ITGAV: variants seen among roughly 807,000 people sequenced by gnomAD.
The protein encoded by ITGAV is integrin alpha-V.
In ITGAV, 76 loss-of-function variants were observed where a neutral mutation model predicts 143.8. The observed-to-expected ratio is 0.53, with a 90% confidence interval of 0.44 to 0.64. The LOEUF (loss-of-function observed/expected upper bound fraction) is 0.64. Ranked by LOEUF, ITGAV falls within the 30% of genes least tolerant of loss-of-function variation. ITGAV has a pLI of 0.00. For synonymous variants in ITGAV, 453 were observed against 446.7 expected (o/e 1.01, Z -0.18); for missense variants, 1,193 against 1,274.7 (o/e 0.94, Z 0.98).
At chr2:186,668,562 C>A in intron 24 of ITGAV, 200 bp from the exon 25 acceptor site, 1 of 503,296 alleles carries the variant, frequency 2.0e-6, no homozygotes, top group Admixed American at 3.8e-5. Context: ...TATCCTGACA[C>A]ATATTACTCT....
In ITGAV at chr2:186,590,528, G is replaced by A; in HGVS notation, c.185+5G>A. On this transcript the variant is annotated splice_donor_5th_base_variant and intron_variant, in intron 1 of 29. Transcript: ENST00000261023. ...CTTCGTGCCCAGCGCGTCTTCGTAA[G>A]TGGCCGCACTTGGAACTGGAGCCGG... is the stretch of plus-strand genomic sequence containing the variant. 3.7e-6 allele frequency: 6 copies of A among 1,610,122 alleles called. No individual in the cohort carries two copies. The highest frequency in any genetic ancestry group is 5.1e-6 in the Non-Finnish European group (6 of 1,178,638).
intron 29 of ITGAV, 21 bp downstream of exon 29, chr2:186,676,956 G>C: frequency 1.2e-6 from 2 of 1,603,446 alleles, no homozygotes; most frequent in Non-Finnish European, 8.5e-7. Context: ...GACTTAGAAA[G>C]AAGGAGAGAG....
intron 8 of ITGAV, among the ~76,000 whole-genome samples, 158 bp from the exon 9 acceptor site, chr2:186,638,119 T>C (rs13422838): frequency 0.094 from 14,351 of 152,264 alleles, 732 homozygotes; most frequent in South Asian, 0.12. Context: ...AGTTTAAAAA[T>C]GCTGGGCTAT....
chr2:186,605,312 C>G (rs1687028709), intron 2 of ITGAV, among the ~76,000 whole-genome samples: 2 of 152,170 alleles, frequency 1.3e-5, no homozygotes, highest in African/African-American at 4.8e-5. Flanking sequence ...AGGCACATTC[C>G]CACTTCACCC....
intron 18 of ITGAV, among the ~76,000 whole-genome samples, chr2:186,662,825 C>A (rs1205943078): frequency 6.6e-6 from 1 of 152,042 alleles, no homozygotes; most frequent in Non-Finnish European, 1.5e-5. Context: ...GCCTTAATTC[C>A]GGACATTCCT....
intron 10 of ITGAV, among the ~76,000 whole-genome samples, chr2:186,639,882 T>C (rs1033483809): frequency 3.3e-5 from 5 of 152,318 alleles, no homozygotes; most frequent in Non-Finnish European, 5.9e-5. Flanking sequence ...ATGAATATTA[T>C]TCTGTTACAT....
intron 10 of ITGAV, among the ~76,000 whole-genome samples, 196 bp from the exon 11 acceptor site, chr2:186,640,719 C>T (rs1688078097): frequency 6.6e-6 from 1 of 151,934 alleles, no homozygotes; most frequent in South Asian, 2.1e-4. Context: ...ATATTGTGTC[C>T]ATGATCTAGG....
chr2:186,601,556 T>C (rs1034436872), intron 1 of ITGAV, among the ~76,000 whole-genome samples: 4 of 152,068 alleles, frequency 2.6e-5, no homozygotes, highest in Non-Finnish European at 5.9e-5. Flanking sequence ...AATTATACTT[T>C]GGAATAATTT....
intron 1 of ITGAV, among the ~76,000 whole-genome samples, chr2:186,593,808 AAGGATCCGAAGAC>A (rs1184106567): frequency 6.6e-6 from 1 of 152,128 alleles, no homozygotes; most frequent in Non-Finnish European, 1.5e-5. Context: ...TAAGGAAGGG[AAGGATCCGAAGAC>A]AGGGTGTAAA....
chr2:186,625,858 TTTGA>T (rs1404984092), intron 4 of ITGAV, among the ~76,000 whole-genome samples: 1 of 152,158 alleles, frequency 6.6e-6, no homozygotes, highest in East Asian at 1.9e-4. Flanking sequence ...AATCTGTATT[TTTGA>T]TGACTAACAG....
chr2:186,674,031 T>C (rs558448296), intron 26 of ITGAV, among the ~76,000 whole-genome samples: 1 of 152,306 alleles, frequency 6.6e-6, no homozygotes, highest in South Asian at 2.1e-4. Context: ...TGGAGGACAG[T>C]AGCATAGTTA....
At chr2:186,595,707 G>A (rs1686732544) in intron 1 of ITGAV, among the ~76,000 whole-genome samples, 2 of 151,678 alleles carry the variant, frequency 1.3e-5, no homozygotes, top group South Asian at 4.2e-4. Context: ...AAATGTTGAG[G>A]ATGGGGATTC....
In ITGAV at chr2:186,627,327, C is replaced by T. The variant is rs572933994; in HGVS notation, c.523+1740C>T. ...AATGAGGATTTAAACCCAAGTTGTT[C>T]TATTCCAAAAGAACCTTTCCTCTAC... On this transcript the variant is annotated intron_variant, in intron 4 of 29. Coordinates refer to ENST00000261023, the MANE Select transcript of ITGAV (RefSeq NM_002210.5). Among the ~76,000 whole-genome samples the T allele has an allele frequency of 3.9e-5, 6 of 152,320 alleles. No individual in the cohort carries two copies. The East Asian group carries it at 1.2e-3, about 29-fold the overall frequency.
chr2:186,676,158 G>C (rs926397158), intron 28 of ITGAV: 2 of 382,576 alleles, frequency 5.2e-6, no homozygotes, highest in African/African-American at 2.1e-5. Context: ...AGATTTCTTA[G>C]TATATACTAA....
intron 2 of ITGAV, among the ~76,000 whole-genome samples, chr2:186,617,297 G>A (rs920550111): frequency 6.6e-6 from 1 of 152,152 alleles, no homozygotes; most frequent in African/African-American, 2.4e-5. Context: ...GAAGGTAATT[G>A]TATCTTAAAA....
At position 186,680,493 on chromosome 2, in the gene ITGAV, C is replaced by G. The variant is rs1441807211; in HGVS notation, c.*3201C>G. ...GTGCAATATAACAATGTAACCAAAT[C>G]TAGATAATTTCAAAGTTGTCATTAA... is the stretch of plus-strand genomic sequence containing the variant. On this transcript the variant is annotated 3_prime_UTR_variant, in exon 30 of 30. Transcript: ENST00000261023. 1 of 152,360 alleles carries G rather than the reference C, an allele frequency of 6.6e-6. No individual in the cohort carries two copies. Among genetic ancestry groups the G allele is most frequent in the Admixed American group, 6.6e-5 (1 of 15,260 alleles). 9.4% of individuals were successfully genotyped at this position (152,360 alleles called of 1,614,324 possible).
At chr2:186,619,310 T>C (rs1252259136) in intron 2 of ITGAV, among the ~76,000 whole-genome samples, 3 of 151,962 alleles carry the variant, frequency 2.0e-5, no homozygotes, top group African/African-American at 7.3e-5. Flanking sequence ...GAACAGAAAA[T>C]TAAACACTGC....
At chr2:186,596,104 G>C (rs1686742767) in intron 1 of ITGAV, among the ~76,000 whole-genome samples, 1 of 152,120 alleles carries the variant, frequency 6.6e-6, no homozygotes, top group Admixed American at 6.6e-5. Context: ...CCATCATCTT[G>C]TATTTTCGTG....
At chr2:186,610,929 C>T (rs574503303) in intron 2 of ITGAV, among the ~76,000 whole-genome samples, 5 of 152,268 alleles carry the variant, frequency 3.3e-5, no homozygotes, top group Admixed American at 1.3e-4. Flanking sequence ...TGGCTGCATT[C>T]GTTTCCTGTT....
Sources: allele counts gnomAD v4.1 joint callset (sites outside exome capture counted in the v4.1 genomes callset), GRCh38; gene constraint gnomAD v4.1.1; transcripts MANE v1.5; gene names NCBI Gene and HGNC (gene_info 2026-07-23, HGNC 2026-07-21).